The following SMAD2 variants were observed in gnomAD, a reference collection of about 807,000 sequenced individuals.
SMAD2 encodes SMAD family member 2, also known as MAD homolog 2.
A neutral mutation model predicts 64.4 loss-of-function variants in SMAD2; 8 were observed. The observed-to-expected ratio is 0.12, with a 90% confidence interval of 0.07 to 0.22. The LOEUF (loss-of-function observed/expected upper bound fraction) is 0.22. Ranked by LOEUF, SMAD2 falls within the 10% of genes least tolerant of loss-of-function variation. The pLI is 1.00. For missense variants in SMAD2, 289 were observed against 561.2 expected (o/e 0.51, Z 4.90); for synonymous variants, 203 against 195.8 (o/e 1.04, Z -0.31).
rs897922255 is a variant in SMAD2, at chr18:47,836,745, A to G, written c.*5082T>C. 6 of 220,022 alleles carry G rather than the reference A, an allele frequency of 2.7e-5. 1 individual carries two copies. Among genetic ancestry groups the G allele is most frequent in the East Asian group, 1.3e-4 (2 of 15,118 alleles). The allele number at this position is 220,022 out of a possible 1,614,324, so 13.6% of individuals were successfully genotyped here. A position where few individuals can be genotyped will look rare whatever the true frequency, so the allele number is the denominator to read the frequency against. On this transcript the variant is annotated 3_prime_UTR_variant, in exon 11 of 11. Coordinates refer to ENST00000262160, the MANE Select transcript of SMAD2 (RefSeq NM_005901.6). ...TCAAAAAATTACATGAACACACGAG[A>G]TAAGTTCTTATCGTAAATGCTATCA...
chr18:47,930,290 G>GCCCATCGC (rs2034950617), intron 1 of SMAD2, 71 bp downstream of exon 1: 1 of 152,304 alleles, frequency 6.6e-6, no homozygotes, highest in African/African-American at 2.4e-5. Flanking sequence ...ATGTGACACG[G>GCCCATCGC]CCCATCGCCC....
rs765921245 is a variant in SMAD2, at chr18:47,869,458, AGAAAG to A, written c.327-27_327-23del. ...AGACCTGTTGGGAAGCAAGGGGAAA[AGAAAG>A]GAGGGAACTTTAAAAAAAAAAAAAA... On this transcript the variant is annotated intron_variant, in intron 3 of 10. Coordinates refer to ENST00000262160, the MANE Select transcript of SMAD2 (RefSeq NM_005901.6). The A allele has an allele frequency of 2.2e-5, 35 of 1,582,548 alleles. No individual in the cohort carries two copies. In the East Asian group the frequency reaches 3.6e-4, roughly 16 times the overall value.
Position 47,837,561 on chromosome 18 carries a change from CAAAAAA to C in SMAD2, c.*4260_*4265del. 3 of 153,170 alleles carry C rather than the reference CAAAAAA, an allele frequency of 2.0e-5. No individual in the cohort carries two copies. Among genetic ancestry groups the C allele is most frequent in the Non-Finnish European group, 2.3e-5 (2 of 85,800 alleles). The allele number at this position is 153,170 out of a possible 1,614,324, so 9.5% of individuals were successfully genotyped here. On this transcript the variant is annotated 3_prime_UTR_variant, in exon 11 of 11. Coordinates refer to ENST00000262160, the MANE Select transcript of SMAD2 (RefSeq NM_005901.6). ...TGGGCAACAGAGCGAGACTCCCTCT[CAAAAAA>C]AAAAAAAAAAAACAAAAAACAAGGC... is the stretch of plus-strand genomic sequence containing the variant.
In SMAD2 at chr18:47,836,027, A is replaced by G. The variant is rs1568023451; in HGVS notation, c.*5800T>C. ...TATCTAAGCAATGGTGAAGTTCTGG[A>G]TTCATTATGGATCTCATGGCACCAA... is the stretch of plus-strand genomic sequence containing the variant. On this transcript the variant is annotated 3_prime_UTR_variant, in exon 11 of 11. Transcript: ENST00000262160. 1 of 213,876 alleles carries G rather than the reference A, an allele frequency of 4.7e-6. No homozygotes were observed. The highest frequency in any genetic ancestry group is 9.4e-6 in the Non-Finnish European group (1 of 105,984). The allele number at this position is 213,876 out of a possible 1,614,324, so 13.2% of individuals were successfully genotyped here.
chr18:47,815,953 G>A lies in SMAD2; in HGVS notation c.*25874C>T, dbSNP rs1313632519. On this transcript the variant is annotated 3_prime_UTR_variant, in exon 11 of 11. Transcript: ENST00000262160. Reference sequence around the variant, plus strand: ...ACTTACCCAGGGCTCAGAGCACATGGCTTAGTCCTGACATAAAATACCATT... The same window carrying A: ...ACTTACCCAGGGCTCAGAGCACATGACTTAGTCCTGACATAAAATACCATT... 6.6e-6 allele frequency: 1 copy of A among 152,196 alleles called. No individual in the cohort carries two copies. The highest frequency in any genetic ancestry group is 1.5e-5 in the Non-Finnish European group (1 of 68,048). The allele number at this position is 152,196 out of a possible 1,614,324, so 9.4% of individuals were successfully genotyped here.
intron 6 of SMAD2, 54 bp from the exon 7 acceptor site, chr18:47,851,381 G>T (rs187015964): frequency 8.5e-7 from 1 of 1,181,392 alleles, no homozygotes; most frequent in Non-Finnish European, 1.3e-6. Flanking sequence ...TTCTGATCAA[G>T]TAATCATAAA....
At chr18:47,927,088 G>C (rs987077934) in intron 1 of SMAD2, among the ~76,000 whole-genome samples, 2 of 152,116 alleles carry the variant, frequency 1.3e-5, no homozygotes, top group Non-Finnish European at 2.9e-5. Context: ...CACTATTCCC[G>C]ATCCTTTCAC....
intron 1 of SMAD2, among the ~76,000 whole-genome samples, chr18:47,902,844 T>C (rs892462671): frequency 6.6e-6 from 1 of 152,078 alleles, no homozygotes; most frequent in African/African-American, 2.4e-5. Context: ...TCTTTCCTGG[T>C]GGAGCGGCTA....
At position 47,838,543 on chromosome 18, in the gene SMAD2, A is replaced by G. The variant is rs919729294; in HGVS notation, c.*3284T>C. Reference sequence around the variant, plus strand: ...ATAAGGTATAATCGGTATAACTGATATAGCTCAAATCTAATCATGAAAGCT... The same window carrying G: ...ATAAGGTATAATCGGTATAACTGATGTAGCTCAAATCTAATCATGAAAGCT... On this transcript the variant is annotated 3_prime_UTR_variant, in exon 11 of 11. Coordinates refer to ENST00000262160, the MANE Select transcript of SMAD2 (RefSeq NM_005901.6). 8.6e-6 allele frequency: 2 copies of G among 233,020 alleles called. No individual in the cohort carries two copies. Among genetic ancestry groups the G allele is most frequent in the African/African-American group, 2.2e-5 (1 of 45,348 alleles). 14.4% of individuals were successfully genotyped at this position (233,020 alleles called of 1,614,324 possible).
At chr18:47,886,611 A>ATCTG (rs1555655833) in intron 2 of SMAD2, among the ~76,000 whole-genome samples, 37 of 152,014 alleles carry the variant, frequency 2.4e-4, no homozygotes, top group African/African-American at 7.7e-4. Context: ...CTATCTATCT[A>ATCTG]TCTAACCATA....
intron 1 of SMAD2, among the ~76,000 whole-genome samples, chr18:47,904,179 C>T (rs1025969424): frequency 6.6e-6 from 1 of 150,490 alleles, no homozygotes; most frequent in Non-Finnish European, 1.5e-5. Flanking sequence ...CCAAGGGCCT[C>T]AACTGAGTGC....
chr18:47,911,212 G>A (rs1051320808), intron 1 of SMAD2, among the ~76,000 whole-genome samples: 14 of 152,018 alleles, frequency 9.2e-5, no homozygotes, highest in African/African-American at 3.1e-4. Context: ...TTAGCTGGGC[G>A]TGGTGGCGAG....
At chr18:47,848,305 C>T (rs1407505701) in intron 8 of SMAD2, among the ~76,000 whole-genome samples, 170 bp downstream of exon 8, 2 of 152,110 alleles carry the variant, frequency 1.3e-5, no homozygotes, top group African/African-American at 4.8e-5. Flanking sequence ...GAAGCATCAC[C>T]AGGATCTATT....
chr18:47,885,156 C>T (rs892192642), intron 2 of SMAD2, among the ~76,000 whole-genome samples: 7 of 149,886 alleles, frequency 4.7e-5, no homozygotes, highest in African/African-American at 1.2e-4. Context: ...CACACACACA[C>T]ACACACACAC....
chr18:47,816,306 G>A lies in SMAD2; in HGVS notation c.*25521C>T, dbSNP rs1045805158. The stretch of plus-strand genomic sequence containing the variant: ...ATTTTTATAAATTATACACAATTGG[G>A]TAGCTTTAAAAAATACCAAAATATA... On this transcript the variant is annotated 3_prime_UTR_variant, in exon 11 of 11. Coordinates refer to ENST00000262160, the MANE Select transcript of SMAD2 (RefSeq NM_005901.6). 2 of 152,154 alleles carry A rather than the reference G, an allele frequency of 1.3e-5. No individual in the cohort carries two copies. The allele number at this position is 152,154 out of a possible 1,614,324, so 9.4% of individuals were successfully genotyped here. A position where few individuals can be genotyped will look rare whatever the true frequency, so the allele number is the denominator to read the frequency against.
intron 10 of SMAD2, among the ~76,000 whole-genome samples, chr18:47,844,551 T>G (rs1316411214): frequency 2.6e-5 from 4 of 152,186 alleles, no homozygotes; most frequent in East Asian, 3.8e-4. Context: ...TTTGTAAAAC[T>G]TAAACATAAT....
rs1057394200 is a variant in SMAD2 at position 47,839,289 on chromosome 18, A to G, written c.*2538T>C. 4.3e-6 allele frequency: 1 copy of G among 233,232 alleles called. No individual in the cohort carries two copies. Among genetic ancestry groups the G allele is most frequent in the African/African-American group, 2.2e-5 (1 of 45,302 alleles). The allele number at this position is 233,232 out of a possible 1,614,324, so 14.4% of individuals were successfully genotyped here. On this transcript the variant is annotated 3_prime_UTR_variant, in exon 11 of 11. Coordinates refer to ENST00000262160, the MANE Select transcript of SMAD2 (RefSeq NM_005901.6). ...ACACAGTAATGCAAGAGTAACCACC[A>G]AGATCAGGACCTTCTACCACTTTCA...
intron 1 of SMAD2, among the ~76,000 whole-genome samples, chr18:47,899,491 A>G (rs2033589192): frequency 6.6e-6 from 1 of 152,224 alleles, no homozygotes; most frequent in South Asian, 2.1e-4. Flanking sequence ...AATACAAAGG[A>G]CAATTTATAG....
intron 2 of SMAD2, among the ~76,000 whole-genome samples, chr18:47,873,881 C>T (rs907888399): frequency 6.6e-6 from 1 of 152,086 alleles, no homozygotes; most frequent in African/African-American, 2.4e-5. Context: ...TTTTAGAAAA[C>T]TGCAGTTTTA....
Sources: gnomAD v4.1 joint callset for allele counts (sites outside exome capture counted in the v4.1 genomes callset) on GRCh38, gnomAD v4.1.1 for gene constraint, MANE v1.5 for transcripts, NCBI Gene and HGNC (gene_info 2026-07-23, HGNC 2026-07-21) for gene names.